Variants in SGCZ observed in about 807,000 individuals in gnomAD.
SGCZ encodes the protein sarcoglycan zeta, also known as zeta-sarcoglycan.
SGCZ carries 40 observed loss-of-function variants against 41.3 expected under a neutral mutation model. The ratio of observed to expected loss-of-function variants is 0.97; its 90% confidence interval spans 0.75 to 1.26. SGCZ has a LOEUF of 1.26. Among genes scored for constraint, SGCZ ranks in the 50% most tolerant of loss-of-function variants. The probability of loss-of-function intolerance (pLI) is 0.00; values close to 1 mark genes in which losing one functional copy is unlikely to be tolerated. For missense variants in SGCZ, 552 were observed against 369.8 expected (o/e 1.49, Z -4.04); for synonymous variants, 206 against 137.5 (o/e 1.50, Z -3.49).
intron 5 of SGCZ, 112 bp from the exon 6 acceptor site, chr8:14,108,347 A>G: frequency 1.1e-6 from 1 of 883,544 alleles, no homozygotes. Flanking sequence ...TAAAACAGGT[A>G]CATATGATGT....
intron 3 of SGCZ, among the ~76,000 whole-genome samples, chr8:14,318,352 TC>T (rs1801787532): frequency 6.6e-6 from 1 of 151,910 alleles, no homozygotes. Context: ...AACAATTACT[TC>T]TTTAAATTTT....
At chr8:14,516,852 T>A (rs966280146) in intron 2 of SGCZ, among the ~76,000 whole-genome samples, 5 of 152,122 alleles carry the variant, frequency 3.3e-5, no homozygotes, top group African/African-American at 1.2e-4. Context: ...GGGAACTTTT[T>A]GTTGATTATT....
At chr8:14,484,012 C>G (rs1042598625) in intron 2 of SGCZ, among the ~76,000 whole-genome samples, 1 of 152,108 alleles carries the variant, frequency 6.6e-6, no homozygotes, top group African/African-American at 2.4e-5. Flanking sequence ...AGTTTCTACA[C>G]CTTAATGACC....
At chr8:14,252,675 C>T (rs1053415246) in intron 3 of SGCZ, among the ~76,000 whole-genome samples, 2 of 152,006 alleles carry the variant, frequency 1.3e-5, no homozygotes, top group East Asian at 1.9e-4. Flanking sequence ...AATATAAAGT[C>T]GAGGGGGCAG....
chr8:14,653,446 A>G (rs1373313059), intron 1 of SGCZ, among the ~76,000 whole-genome samples: 1 of 152,158 alleles, frequency 6.6e-6, no homozygotes, highest in East Asian at 1.9e-4. Flanking sequence ...ATTTCTTACT[A>G]CAAGATAGCT....
At chr8:14,566,300 A>C (rs1164776945) in intron 1 of SGCZ, among the ~76,000 whole-genome samples, 1 of 152,262 alleles carries the variant, frequency 6.6e-6, no homozygotes, top group Non-Finnish European at 1.5e-5. Context: ...AGGTAGAGGC[A>C]GACAGGAAAT....
intron 1 of SGCZ, among the ~76,000 whole-genome samples, chr8:14,892,530 G>A (rs962824321): frequency 3.3e-5 from 5 of 152,034 alleles, no homozygotes; most frequent in African/African-American, 1.2e-4. Context: ...AACATTAACT[G>A]TTCCTTTTTT....
At chr8:15,053,020 T>A (rs759081186) in intron 1 of SGCZ, among the ~76,000 whole-genome samples, 1 of 152,128 alleles carries the variant, frequency 6.6e-6, no homozygotes, top group African/African-American at 2.4e-5. Context: ...GAGAACAACT[T>A]CAAAATCCAG....
At chr8:15,047,590 A>C (rs1365547818) in intron 1 of SGCZ, among the ~76,000 whole-genome samples, 1 of 152,026 alleles carries the variant, frequency 6.6e-6, no homozygotes, top group Non-Finnish European at 1.5e-5. Flanking sequence ...TCAACTAGAG[A>C]GAGAGTACAG....
intron 1 of SGCZ, among the ~76,000 whole-genome samples, chr8:14,971,473 A>G (rs1801295057): frequency 1.3e-5 from 2 of 151,890 alleles, no homozygotes; most frequent in South Asian, 4.1e-4. Context: ...GAGAATTTTT[A>G]TCAGGAAAGA....
intron 1 of SGCZ, among the ~76,000 whole-genome samples, chr8:14,919,873 A>T (rs928142227): frequency 1.3e-4 from 19 of 151,946 alleles, no homozygotes; most frequent in African/African-American, 4.6e-4. Context: ...AGCCAAGATC[A>T]CGCCACTGCA....
chr8:15,169,350 C>G lies in SGCZ; in HGVS notation c.39+68235G>C, dbSNP rs1376363661. ...GGACTTGGAAAGTTCAGGACGTTTG[C>G]AGGGGGAGGAGCCTGCCTCTTCCTG... On this transcript the variant is annotated intron_variant, in intron 1 of 7. Coordinates refer to ENST00000382080, the MANE Select transcript of SGCZ (RefSeq NM_139167.4). Among the ~76,000 whole-genome samples, 7 of 152,274 alleles carry G rather than the reference C, an allele frequency of 4.6e-5. No homozygotes were observed. In the South Asian group the frequency reaches 1.5e-3, roughly 32 times the overall value.
rs546976728 is a variant in SGCZ, at chr8:14,560,837, AG to A, written c.40-5912del. 1.1e-3 allele frequency among the ~76,000 whole-genome samples: 162 copies of A among 151,876 alleles called. 3 individuals carry two copies. Among genetic ancestry groups the A allele is most frequent in the African/African-American group, 3.9e-3 (160 of 41,440 alleles). On this transcript the variant is annotated intron_variant, in intron 1 of 7. Transcript: ENST00000382080. ...TTTGACAAGCAAATGAGATAACAAG[AG>A]GCTAAAAGAAAAGTTGTGAAAAAAA...
intron 1 of SGCZ, among the ~76,000 whole-genome samples, chr8:14,946,668 A>AATTTAGAG (rs1164734669): frequency 6.8e-6 from 1 of 147,352 alleles, no homozygotes; most frequent in Non-Finnish European, 1.5e-5. Context: ...GTTTGTTAGA[A>AATTTAGAG]ATCTGTATTT....
chr8:14,782,036 G>A lies in SGCZ; in HGVS notation c.40-227110C>T, dbSNP rs1303900248. Reference sequence around the variant, plus strand: ...GACTCTCTGTACTTGACTAGTTGCTGAGAAATTTGGGTGACAAACTTGTAC... The same window carrying A: ...GACTCTCTGTACTTGACTAGTTGCTAAGAAATTTGGGTGACAAACTTGTAC... On this transcript the variant is annotated intron_variant, in intron 1 of 7. Coordinates refer to ENST00000382080, the MANE Select transcript of SGCZ (RefSeq NM_139167.4). 6.6e-5 allele frequency among the ~76,000 whole-genome samples: 10 copies of A among 152,236 alleles called. No individual in the cohort carries two copies. In the East Asian group the frequency reaches 1.9e-3, roughly 29 times the overall value.
chr8:14,976,990 A>G (rs1417631809), intron 1 of SGCZ, among the ~76,000 whole-genome samples: 1 of 152,240 alleles, frequency 6.6e-6, no homozygotes, highest in Non-Finnish European at 1.5e-5. Context: ...TGTGAGAGAT[A>G]CATTTCAAAC....
At chr8:14,166,546 C>T (rs1359937093) in intron 4 of SGCZ, among the ~76,000 whole-genome samples, 1 of 152,148 alleles carries the variant, frequency 6.6e-6, no homozygotes, top group Non-Finnish European at 1.5e-5. Flanking sequence ...ATATCTTACA[C>T]ATAAAACCTC....
intron 4 of SGCZ, chr8:14,165,363 T>C (rs1264753068): frequency 6.6e-6 from 1 of 152,134 alleles, no homozygotes; most frequent in Non-Finnish European, 1.5e-5. Flanking sequence ...CAAAACCAAC[T>C]TACTGGCCAA....
At position 14,403,098 on chromosome 8, in the gene SGCZ, G is replaced by A. The variant is rs1208393358; in HGVS notation, c.235-78894C>T. 7.3e-5 allele frequency among the ~76,000 whole-genome samples: 11 copies of A among 149,970 alleles called. 1 individual carries two copies. Among genetic ancestry groups the A allele is most frequent in the African/African-American group, 2.5e-4 (10 of 39,440 alleles). On this transcript the variant is annotated intron_variant, in intron 2 of 7. Coordinates refer to ENST00000382080, the MANE Select transcript of SGCZ (RefSeq NM_139167.4). ...TGATTTGGCTCTCTGTTTGTCTGCT[G>A]TTGGTGTATAAGAATGCTTGTGATT...
Sources: gnomAD v4.1 joint callset for allele counts (sites outside exome capture counted in the v4.1 genomes callset) on GRCh38, gnomAD v4.1.1 for gene constraint, MANE v1.5 for transcripts, NCBI Gene and HGNC (gene_info 2026-07-23, HGNC 2026-07-21) for gene names.